The following SEL1L3 variants were observed in gnomAD, a reference collection of about 807,000 sequenced individuals.
SEL1L3 encodes protein sel-1 homolog 3.
SEL1L3 carries 76 observed loss-of-function variants against 142.8 expected under a neutral mutation model. The ratio of observed to expected loss-of-function variants is 0.53; its 90% confidence interval spans 0.44 to 0.64. The LOEUF (loss-of-function observed/expected upper bound fraction) is 0.64. Among genes scored for constraint, SEL1L3 ranks in the 30% least tolerant of loss-of-function variants. The probability of loss-of-function intolerance (pLI) is 0.00; values close to 1 mark genes in which losing one functional copy is unlikely to be tolerated. For missense variants in SEL1L3, 1,262 were observed against 1,381.7 expected (o/e 0.91, Z 1.37); for synonymous variants, 504 against 519.6 (o/e 0.97, Z 0.41).
chr4:25,769,342 G>A lies in SEL1L3; in HGVS notation c.2670-1512C>T, dbSNP rs927727727. 2.0e-5 allele frequency among the ~76,000 whole-genome samples: 3 copies of A among 152,124 alleles called. No homozygotes were observed. The East Asian group carries it at 5.8e-4, about 29-fold the overall frequency. ...CATGCTGCAGGTCACAGGCCACGTG[G>A]CTGCTGAGGGAGCCAATTCGCAGGC... On this transcript the variant is annotated intron_variant, in intron 17 of 23. Coordinates refer to ENST00000399878, the MANE Select transcript of SEL1L3 (RefSeq NM_015187.5).
chr4:25,790,313 A>C (rs778290978), intron 12 of SEL1L3, 142 bp downstream of exon 12: 226 of 791,158 alleles, frequency 2.9e-4, no homozygotes, highest in Non-Finnish European at 4.3e-4. Context: ...TGCCCCTGAC[A>C]ACCCCTATTG....
chr4:25,815,527 G>T (rs1714336540), intron 9 of SEL1L3, among the ~76,000 whole-genome samples: 1 of 152,142 alleles, frequency 6.6e-6, no homozygotes, highest in African/African-American at 2.4e-5. Context: ...ACTTAAAAAA[G>T]AATGTTTTGT....
Position 25,748,348 on chromosome 4 carries a change from C to A in SEL1L3, c.*77G>T. On this transcript the variant is annotated 3_prime_UTR_variant, in exon 24 of 24. Coordinates refer to ENST00000399878, the MANE Select transcript of SEL1L3 (RefSeq NM_015187.5). Reference sequence around the variant, plus strand: ...AGACATTTAAGGTGTTTATCAGGATCATGCCCTGGCCCCAGCTTCCCAATA... The same window carrying A: ...AGACATTTAAGGTGTTTATCAGGATAATGCCCTGGCCCCAGCTTCCCAATA... The A allele has an allele frequency of 7.0e-7, 1 of 1,433,366 alleles. No individual in the cohort carries two copies. The highest frequency in any genetic ancestry group is 1.3e-5 in the South Asian group (1 of 75,308). The allele number at this position is 1,433,366 out of a possible 1,614,324, so 88.8% of individuals were successfully genotyped here. A position where few individuals can be genotyped will look rare whatever the true frequency, so the allele number is the denominator to read the frequency against.
At chr4:25,738,366 G>T in the SEL1L3 span, among the ~76,000 whole-genome samples, 2 of 152,108 alleles carry the variant, frequency 1.3e-5, no homozygotes, top group African/African-American at 4.8e-5. Context: ...AGCAGTGTTT[G>T]CTGTCTGCTT....
At chr4:25,730,040 C>G in the SEL1L3 span, among the ~76,000 whole-genome samples, 1 of 151,790 alleles carries the variant, frequency 6.6e-6, no homozygotes. Context: ...CTCACTGCAA[C>G]CTCCACCTGC....
chr4:25,761,278 CCTGAGTAG>C (rs1387469946), intron 20 of SEL1L3, among the ~76,000 whole-genome samples: 15 of 152,262 alleles, frequency 9.9e-5, no homozygotes, highest in African/African-American at 3.4e-4. Flanking sequence ...GCCTCAGCCT[CCTGAGTAG>C]CTGGGATTAC....
Position 25,793,798 on chromosome 4 carries a change from G to C in SEL1L3, c.1957-3224C>G, listed in dbSNP as rs535142187. Among the ~76,000 whole-genome samples the C allele has an allele frequency of 2.6e-5, 4 of 152,278 alleles. No individual in the cohort carries two copies. In the East Asian group the frequency reaches 7.7e-4, roughly 29 times the overall value. On this transcript the variant is annotated intron_variant, in intron 11 of 23. Coordinates refer to ENST00000399878, the MANE Select transcript of SEL1L3 (RefSeq NM_015187.5). ...TTCTTTTTCACTGTGCAAAGAGCTAGAATGACCTAGGTTCAAATCTAGGCT... is the reference window on the plus strand; with the variant it reads ...TTCTTTTTCACTGTGCAAAGAGCTACAATGACCTAGGTTCAAATCTAGGCT...
At chr4:25,737,448 T>G in the SEL1L3 span, among the ~76,000 whole-genome samples, 1 of 152,200 alleles carries the variant, frequency 6.6e-6, no homozygotes, top group African/African-American at 2.4e-5. Flanking sequence ...TTGATGGATA[T>G]GTGGGAGACA....
the SEL1L3 span, among the ~76,000 whole-genome samples, chr4:25,717,009 C>A: frequency 6.6e-6 from 1 of 151,968 alleles, no homozygotes; most frequent in Non-Finnish European, 1.5e-5. Context: ...TGCCTGTAGT[C>A]CCAGCTACTT....
chr4:25,834,692 A>G (rs1447793128), intron 3 of SEL1L3, among the ~76,000 whole-genome samples: 1 of 152,242 alleles, frequency 6.6e-6, no homozygotes, highest in Non-Finnish European at 1.5e-5. Context: ...GCAGCATGGG[A>G]AGAATTAAAT....
intron 17 of SEL1L3, among the ~76,000 whole-genome samples, chr4:25,771,465 G>C (rs1719187508): frequency 6.6e-6 from 1 of 152,114 alleles, no homozygotes; most frequent in Non-Finnish European, 1.5e-5. Context: ...GCTGCTTGCT[G>C]TGAATTACAA....
In SEL1L3 at chr4:25,819,857, T is replaced by C. The variant is rs1236484343; in HGVS notation, c.1374A>G (p.Val458=). The part of the protein sequence containing the change: ...YERCAEVQEI[V]SVYASAAKHG... ...GCTTTGCTGCAGATGCATACACAGA[T>C]ACTATTTCTTGAACCTCAGCACACC... Residue 458 remains valine, a synonymous_variant, in exon 8 of 24, where the codon GTA becomes GTG. Coordinates refer to ENST00000399878, the MANE Select transcript of SEL1L3 (RefSeq NM_015187.5). 1 of 1,613,716 alleles carries C rather than the reference T, an allele frequency of 6.2e-7. No homozygotes were observed. The highest frequency in any genetic ancestry group is 1.3e-5 in the African/African-American group (1 of 75,044).
the SEL1L3 span, among the ~76,000 whole-genome samples, chr4:25,733,037 C>T: frequency 2.6e-5 from 4 of 151,508 alleles, no homozygotes; most frequent in East Asian, 3.9e-4. Context: ...TGAGCCACTG[C>T]GCCTGGCGAG....
intron 6 of SEL1L3, 79 bp from the exon 7 acceptor site, chr4:25,822,207 C>G: frequency 6.4e-7 from 1 of 1,567,010 alleles, no homozygotes; most frequent in South Asian, 1.2e-5. Flanking sequence ...CCTAGACCCT[C>G]CTTGACTTAA....
chr4:25,833,995 T>C (rs1184063890), intron 3 of SEL1L3, among the ~76,000 whole-genome samples: 1 of 152,206 alleles, frequency 6.6e-6, no homozygotes, highest in Non-Finnish European at 1.5e-5. Flanking sequence ...TTTGAGCAAT[T>C]TTGTTCCTTT....
intron 9 of SEL1L3, among the ~76,000 whole-genome samples, chr4:25,815,625 G>T (rs1485933751): frequency 6.6e-6 from 1 of 152,108 alleles, no homozygotes; most frequent in Non-Finnish European, 1.5e-5. Context: ...TGTGGATGTG[G>T]TCTTAGTCCA....
intron 15 of SEL1L3, among the ~76,000 whole-genome samples, chr4:25,780,207 C>T (rs1406928790): frequency 6.6e-6 from 1 of 152,100 alleles, no homozygotes; most frequent in Non-Finnish European, 1.5e-5. Flanking sequence ...GCTGCCTCGA[C>T]CTTCCAAATA....
At chr4:25,832,392 G>C (rs1356180505) in intron 5 of SEL1L3, among the ~76,000 whole-genome samples, 1 of 152,220 alleles carries the variant, frequency 6.6e-6, no homozygotes, top group African/African-American at 2.4e-5. Context: ...TCTTCAATTA[G>C]AACAACAGAT....
chr4:25,833,318 T>C lies in SEL1L3; in HGVS notation c.982+130A>G, dbSNP rs1715564217. The C allele has an allele frequency of 9.1e-6, 8 of 875,912 alleles. No individual in the cohort carries two copies. The South Asian group carries it at 1.4e-4, about 15-fold the overall frequency. 54.3% of individuals were successfully genotyped at this position (875,912 alleles called of 1,614,324 possible). On this transcript the variant is annotated intron_variant, in intron 4 of 23. Transcript: ENST00000399878. ...AAAGAAGTTAAATTTGAAGCCCACATTTGGAAGTCATTGCTCTTGCTGGGC... is the reference window on the plus strand; with the variant it reads ...AAAGAAGTTAAATTTGAAGCCCACACTTGGAAGTCATTGCTCTTGCTGGGC...
Sources: allele counts gnomAD v4.1 joint callset (sites outside exome capture counted in the v4.1 genomes callset), GRCh38; gene constraint gnomAD v4.1.1; transcripts MANE v1.5; gene names NCBI Gene and HGNC (gene_info 2026-07-23, HGNC 2026-07-21).